Variants in LDLRAD3 observed in about 807,000 individuals in gnomAD.
LDLRAD3 encodes low density lipoprotein receptor class A domain containing 3.
In LDLRAD3, 20 loss-of-function variants were observed where a neutral mutation model predicts 29.4. The observed-to-expected ratio is 0.68, with a 90% CI of 0.48 to 0.99. The LOEUF (loss-of-function observed/expected upper bound fraction) is 0.99. LDLRAD3 is among the 50% of genes least tolerant of loss of function. The probability of loss-of-function intolerance (pLI) is 0.00; values close to 1 mark genes in which losing one functional copy is unlikely to be tolerated. For missense variants in LDLRAD3, 420 were observed against 454.3 expected, an observed-to-expected ratio of 0.92 and a Z score of 0.69; for synonymous variants, 157 against 192.7, an observed-to-expected ratio of 0.81 and a Z score of 1.53.
chr11:36,094,821 G>T (rs528531296), intron 3 of LDLRAD3, among the ~76,000 whole-genome samples: 5 of 152,236 alleles, frequency 3.3e-5, no homozygotes, highest in South Asian at 2.1e-4. Flanking sequence ...ACAGGTGTGA[G>T]TCACCATGTC....
intron 1 of LDLRAD3, among the ~76,000 whole-genome samples, chr11:35,960,677 A>AC (rs1162240381): frequency 1.3e-5 from 2 of 151,784 alleles, no homozygotes; most frequent in South Asian, 2.1e-4. Context: ...GCTCACTGCA[A>AC]CCCCCCGCCT....
chr11:36,156,645 T>C lies in LDLRAD3; in HGVS notation c.454+58184T>C, dbSNP rs1435888611. ...AATGACTGTCTCAACACTCACACCC[T>C]GATGTGGCATTATTTGGCAACAATA... On this transcript the variant is annotated intron_variant, in intron 4 of 5. Coordinates refer to ENST00000315571, the MANE Select transcript of LDLRAD3 (RefSeq NM_174902.4). Among the ~76,000 whole-genome samples the C allele has an allele frequency of 2.0e-5, 3 of 152,236 alleles. No individual in the cohort carries two copies. In the East Asian group the frequency reaches 5.8e-4, roughly 29 times the overall value.
intron 2 of LDLRAD3, among the ~76,000 whole-genome samples, chr11:36,067,040 T>G (rs1852806717): frequency 6.6e-6 from 1 of 152,242 alleles, no homozygotes; most frequent in African/African-American, 2.4e-5. Context: ...GTTTCAACTC[T>G]GAGCTTCAGT....
At chr11:36,000,902 A>G (rs1168525910) in intron 1 of LDLRAD3, among the ~76,000 whole-genome samples, 1 of 152,116 alleles carries the variant, frequency 6.6e-6, no homozygotes, top group Non-Finnish European at 1.5e-5. Context: ...GGGATGCTTC[A>G]GAGGGTCCCC....
At chr11:36,177,083 C>T (rs1036135547) in intron 4 of LDLRAD3, among the ~76,000 whole-genome samples, 1 of 151,710 alleles carries the variant, frequency 6.6e-6, no homozygotes, top group Admixed American at 6.6e-5. Flanking sequence ...GAAGTTCTTT[C>T]CTCTACTTGT....
chr11:36,052,367 T>C (rs544664904), intron 2 of LDLRAD3, among the ~76,000 whole-genome samples: 7 of 152,310 alleles, frequency 4.6e-5, no homozygotes, highest in Non-Finnish European at 1.0e-4. Context: ...GCAATGCCCA[T>C]GAGAGGAGAT....
rs773702970 is a variant in LDLRAD3 at position 36,227,089 on chromosome 11, C to T, written c.459C>T (p.Pro153=). 22 of 1,584,122 alleles carry T rather than the reference C, an allele frequency of 1.4e-5. No individual in the cohort carries two copies. Among genetic ancestry groups the T allele is most frequent in the Admixed American group, 1.0e-4 (6 of 57,852 alleles). Residue 153 remains proline, a synonymous_variant, in exon 5 of 6, where the codon CCC becomes CCT. Coordinates refer to ENST00000315571, the MANE Select transcript of LDLRAD3 (RefSeq NM_174902.4). The stretch of plus-strand genomic sequence containing the variant: ...CTCCTCTCTTGGGTTTCTCAGAACC[C>T]GGCAGTGGGCAGGTGTTTGTGACTT... The part of the protein sequence containing the change: ...DEESCESSQE[P]GSGQVFVTSE...
At chr11:36,041,902 A>T (rs1373967388) in intron 2 of LDLRAD3, among the ~76,000 whole-genome samples, 1 of 152,052 alleles carries the variant, frequency 6.6e-6, no homozygotes. Flanking sequence ...AGGAGGGATA[A>T]ATTTGAGGAC....
At chr11:35,951,129 T>A (rs1851129539) in intron 1 of LDLRAD3, among the ~76,000 whole-genome samples, 1 of 152,112 alleles carries the variant, frequency 6.6e-6, no homozygotes, top group African/African-American at 2.4e-5. Context: ...TACGTGCTTA[T>A]GATACAAAAT....
chr11:36,061,680 G>A (rs951606515), intron 2 of LDLRAD3, among the ~76,000 whole-genome samples: 25 of 152,188 alleles, frequency 1.6e-4, no homozygotes, highest in African/African-American at 6.0e-4. Flanking sequence ...AAGATAATAG[G>A]TTTAGTAAGT....
In LDLRAD3 at chr11:36,002,980, A is replaced by T. The variant is rs547337651; in HGVS notation, c.47-33123A>T. Among the ~76,000 whole-genome samples the T allele has an allele frequency of 2.6e-5, 4 of 152,354 alleles. No individual in the cohort carries two copies. In the South Asian group the frequency reaches 8.3e-4, roughly 32 times the overall value. On this transcript the variant is annotated intron_variant, in intron 1 of 5. Transcript: ENST00000315571. Reference sequence around the variant, plus strand: ...GTAACCTTGCATGTGTTATTACGTTATCATCACATTTTGTTAGGGAAAACC... The same window carrying T: ...GTAACCTTGCATGTGTTATTACGTTTTCATCACATTTTGTTAGGGAAAACC...
intron 1 of LDLRAD3, among the ~76,000 whole-genome samples, chr11:36,005,518 A>G (rs1482830109): frequency 6.6e-6 from 1 of 152,212 alleles, no homozygotes; most frequent in African/African-American, 2.4e-5. Flanking sequence ...AAGAACATTC[A>G]ACAAGTCTCT....
intron 4 of LDLRAD3, among the ~76,000 whole-genome samples, chr11:36,212,286 A>G (rs1440148149): frequency 4.6e-5 from 7 of 151,456 alleles, no homozygotes; most frequent in Admixed American, 3.9e-4. Flanking sequence ...ACCAAGTCCC[A>G]CCCCCTTCCC....
intron 2 of LDLRAD3, among the ~76,000 whole-genome samples, chr11:36,066,561 C>T (rs1044402342): frequency 6.6e-6 from 1 of 152,166 alleles, no homozygotes; most frequent in African/African-American, 2.4e-5. Context: ...GTGTGCATTA[C>T]AAATAGCCAA....
intron 4 of LDLRAD3, among the ~76,000 whole-genome samples, chr11:36,117,015 T>C (rs1408760106): frequency 1.3e-5 from 2 of 152,074 alleles, no homozygotes; most frequent in Non-Finnish European, 2.9e-5. Flanking sequence ...CTAATTTTTG[T>C]ATTTTTATAG....
chr11:35,976,967 T>C (rs908294561), intron 1 of LDLRAD3, among the ~76,000 whole-genome samples: 13 of 152,226 alleles, frequency 8.5e-5, no homozygotes, highest in Non-Finnish European at 1.2e-4. Flanking sequence ...ACAACATATT[T>C]ACAAATGTGG....
chr11:36,070,756 G>T (rs2133245061), intron 2 of LDLRAD3, among the ~76,000 whole-genome samples: 1 of 152,242 alleles, frequency 6.6e-6, no homozygotes, highest in Non-Finnish European at 1.5e-5. Flanking sequence ...GCGTCCCTGG[G>T]GATCCTGCTG....
In LDLRAD3 at chr11:36,231,928, C is replaced by A. The variant is rs1225884218; in HGVS notation, c.*2531C>A. On this transcript the variant is annotated 3_prime_UTR_variant, in exon 6 of 6. Coordinates refer to ENST00000315571, the MANE Select transcript of LDLRAD3 (RefSeq NM_174902.4). ...TTTTATTTTAGCATTAAATTAGTTA[C>A]ACTGTGATGACTGGCCTATTACCTG... 1 of 152,146 alleles carries A rather than the reference C, an allele frequency of 6.6e-6. No homozygotes were observed. The highest frequency in any genetic ancestry group is 6.5e-5 in the Admixed American group (1 of 15,278). The allele number at this position is 152,146 out of a possible 1,614,324, so 9.4% of individuals were successfully genotyped here.
intron 4 of LDLRAD3, among the ~76,000 whole-genome samples, chr11:36,144,743 G>A (rs1480196025): frequency 2.3e-5 from 3 of 129,634 alleles, no homozygotes; most frequent in Admixed American, 7.3e-5. Flanking sequence ...CAGCCACCCC[G>A]TCCGGGAGGG....
Sources: gnomAD v4.1 joint callset for allele counts (sites outside exome capture counted in the v4.1 genomes callset) on GRCh38, gnomAD v4.1.1 for gene constraint, MANE v1.5 for transcripts, NCBI Gene and HGNC (gene_info 2026-07-23, HGNC 2026-07-21) for gene names.